Variants in ZBTB10 observed in about 807,000 individuals in gnomAD.
The protein encoded by ZBTB10 is zinc finger and BTB domain-containing protein 10.
Under a neutral mutation model 76.4 loss-of-function variants are expected in ZBTB10, and 32 were observed. The observed-to-expected ratio is 0.42, with a 90% CI of 0.32 to 0.56. ZBTB10 has a LOEUF of 0.56. Among genes scored for constraint, ZBTB10 ranks in the 20% least tolerant of loss-of-function variants. The pLI is 0.14. For synonymous variants in ZBTB10, 523 were observed against 432.9 expected (o/e 1.21, Z -2.58); for missense variants, 1,057 against 1,098.5 (o/e 0.96, Z 0.53).
intron 1 of ZBTB10, among the ~76,000 whole-genome samples, chr8:80,495,633 T>A (rs771636068): frequency 4.6e-5 from 7 of 152,178 alleles, no homozygotes; most frequent in Non-Finnish European, 8.8e-5. Context: ...ACTGAATCAT[T>A]TTGCTTCCTA....
At chr8:80,497,561 A>G (rs541836254) in intron 1 of ZBTB10, among the ~76,000 whole-genome samples, 15 of 152,212 alleles carry the variant, frequency 9.9e-5, no homozygotes, top group Admixed American at 1.3e-4. Flanking sequence ...AGGATCAGTC[A>G]AAAATGAGGA....
intron 3 of ZBTB10, among the ~76,000 whole-genome samples, chr8:80,517,737 C>T (rs1217015327): frequency 6.6e-6 from 1 of 151,938 alleles, no homozygotes; most frequent in Non-Finnish European, 1.5e-5. Context: ...GTGATAAAAT[C>T]TTAAGTGATA....
intron 2 of ZBTB10, among the ~76,000 whole-genome samples, chr8:80,510,310 C>G (rs188576125): frequency 6.6e-6 from 1 of 152,156 alleles, no homozygotes; most frequent in Non-Finnish European, 1.5e-5. Flanking sequence ...TGCTTATGTG[C>G]CAGGCCCTGA....
chr8:80,495,293 C>CAT (rs1300862324), intron 1 of ZBTB10, among the ~76,000 whole-genome samples: 1 of 152,076 alleles, frequency 6.6e-6, no homozygotes, highest in African/African-American at 2.4e-5. Flanking sequence ...TGCCCAAGTG[C>CAT]ATATTTGCAT....
chr8:80,494,866 A>G (rs183249426), intron 1 of ZBTB10, among the ~76,000 whole-genome samples: 1 of 151,694 alleles, frequency 6.6e-6, no homozygotes, highest in African/African-American at 2.4e-5. Context: ...TTGAGGGTAC[A>G]ATAAGCCATG....
intron 3 of ZBTB10, 126 bp downstream of exon 3, chr8:80,514,134 G>A (rs1816268857): frequency 3.9e-6 from 3 of 776,724 alleles, no homozygotes; most frequent in Middle Eastern, 3.6e-4. Context: ...TCAATCTATG[G>A]TAGCTATGTT....
At chr8:80,491,541 T>G (rs1815630957) in intron 1 of ZBTB10, among the ~76,000 whole-genome samples, 1 of 152,226 alleles carries the variant, frequency 6.6e-6, no homozygotes, top group South Asian at 2.1e-4. Flanking sequence ...GGACCTTGGT[T>G]ATTGTGGACT....
chr8:80,499,534 ATAG>A lies in ZBTB10; in HGVS notation c.1017_1019del (p.Ser339del). Reference sequence around the variant, plus strand: ...TCAGAGGAGGGGTACTGTGACTTTAATAGTAGGCCAAATGAGAACTCTTATTGC... The same window carrying A: ...TCAGAGGAGGGGTACTGTGACTTTAATAGGCCAAATGAGAACTCTTATTGC... On this transcript the variant is annotated inframe_deletion, in exon 2 of 6. Transcript: ENST00000455036. 6.2e-7 allele frequency: 1 copy of A among 1,613,326 alleles called. No homozygotes were observed. The highest frequency in any genetic ancestry group is 8.5e-7 in the Non-Finnish European group (1 of 1,179,602).
In ZBTB10 at chr8:80,499,635, G is replaced by C; in HGVS notation, c.1114G>C (p.Gly372Arg). 1 of 1,613,854 alleles carries C rather than the reference G, an allele frequency of 6.2e-7. No individual in the cohort carries two copies. Among genetic ancestry groups the C allele is most frequent in the Non-Finnish European group, 8.5e-7 (1 of 1,179,844 alleles). ...ILCDVSIVVS[G>R]KIFKAHKNIL... ...TTGTGATGTCAGCATTGTGGTAAGC[G>C]GAAAAATCTTCAAAGCTCATAAGAA... Residue 372 changes from glycine to arginine, a missense_variant, in exon 2 of 6, where the codon GGA (glycine) becomes CGA (arginine). This residue lies in a region of ZBTB10 where 86 missense variants were observed against 145.7 expected (regional missense o/e 0.59). Transcript: ENST00000455036.
intron 1 of ZBTB10, among the ~76,000 whole-genome samples, chr8:80,488,033 C>G (rs1382332843): frequency 8.7e-6 from 1 of 114,900 alleles, no homozygotes; most frequent in Admixed American, 7.5e-5. Flanking sequence ...GCTGGATTTT[C>G]TTTTTTATGA....
chr8:80,493,205 G>GCGCGCGCGCGCGCGCA (rs1554551251), intron 1 of ZBTB10, among the ~76,000 whole-genome samples: 1 of 98,372 alleles, frequency 1.0e-5, no homozygotes, highest in African/African-American at 3.6e-5. Flanking sequence ...GCGCGCGCGC[G>GCGCGCGCGCGCGCGCA]CGCACACACA....
chr8:80,485,816 A>G, upstream of ZBTB10: 10 of 1,535,740 alleles, frequency 6.5e-6, no homozygotes, highest in Non-Finnish European at 8.7e-6. Context: ...CCCACCGCAC[A>G]GTTATTTGCA....
chr8:80,500,350 A>T lies in ZBTB10; in HGVS notation c.1829A>T (p.Glu610Val). The change falls in exon 2 of 6, where the codon GAA (glutamate) becomes GTA (valine). Residue 610 changes from glutamate to valine, a missense_variant. Glu to Val is a moderately radical substitution (Grantham distance 121). Around this residue, in one of 5 missense-constraint regions of ZBTB10, gnomAD observed 306 missense variants for 297.5 expected, o/e 1.03. Transcript: ENST00000455036. Reference protein sequence around the residue: ...SVMQPPVAYPEENTLLIKEEP... With the variant: ...SVMQPPVAYPVENTLLIKEEP... The stretch of plus-strand genomic sequence containing the variant: ...ATGCAGCCACCTGTTGCCTATCCAG[A>T]AGAAAATACACTACTCATCAAGGAA... The T allele has an allele frequency of 6.3e-7, 1 of 1,581,668 alleles. No homozygotes were observed. The highest frequency in any genetic ancestry group is 1.7e-4 in the Middle Eastern group (1 of 5,990).
At chr8:80,488,545 G>A (rs1021643232) in intron 1 of ZBTB10, among the ~76,000 whole-genome samples, 3 of 152,208 alleles carry the variant, frequency 2.0e-5, no homozygotes, top group African/African-American at 4.8e-5. Context: ...CATTAGAAAT[G>A]TTTAATGTGT....
chr8:80,487,428 C>G lies in ZBTB10; in HGVS notation c.618C>G (p.Ser206Arg). 6.5e-7 allele frequency: 1 copy of G among 1,543,816 alleles called. No individual in the cohort carries two copies. The highest frequency in any genetic ancestry group is 2.0e-5 in the Admixed American group (1 of 50,658). Residue 206 changes from serine to arginine, a missense_variant, in exon 1 of 6, where the codon AGC becomes AGG. Physicochemically the swap from Ser to Arg is moderately radical, Grantham distance 110. Coordinates refer to ENST00000455036, the MANE Select transcript of ZBTB10 (RefSeq NM_001105539.3). ...GSGAEGGSCS[S>R]SRRSGGDGGD... ...GGGCGGAAGGCGGCAGCTGCAGCAGCAGCAGGCGGTCGGGCGGCGATGGCG... is the reference window on the plus strand; with the variant it reads ...GGGCGGAAGGCGGCAGCTGCAGCAGGAGCAGGCGGTCGGGCGGCGATGGCG...
chr8:80,518,064 T>A (rs1257296719), intron 3 of ZBTB10, among the ~76,000 whole-genome samples: 1 of 151,746 alleles, frequency 6.6e-6, no homozygotes, highest in Non-Finnish European at 1.5e-5. Flanking sequence ...ATGGAGTTTC[T>A]CCATGTTGCC....
chr8:80,485,951 C>G (rs896448241), upstream of ZBTB10: 27 of 1,466,560 alleles, frequency 1.8e-5, no homozygotes, highest in Non-Finnish European at 2.3e-5. Flanking sequence ...CCGCGTAGCC[C>G]GGCCCCGGCC....
upstream of ZBTB10, chr8:80,485,951 C>A: frequency 6.8e-7 from 1 of 1,466,672 alleles, no homozygotes; most frequent in Non-Finnish European, 9.2e-7. Context: ...CCGCGTAGCC[C>A]GGCCCCGGCC....
At chr8:80,493,179 G>A (rs1815674747) in intron 1 of ZBTB10, among the ~76,000 whole-genome samples, 1 of 148,664 alleles carries the variant, frequency 6.7e-6, no homozygotes, top group Non-Finnish European at 1.5e-5. Context: ...CGACAAGCAA[G>A]ACTGTGCCTC....
Sources: allele counts gnomAD v4.1 joint callset (sites outside exome capture counted in the v4.1 genomes callset), GRCh38; gene constraint gnomAD v4.1.1; regional missense constraint gnomAD v4.1.1; transcripts MANE v1.5; gene names NCBI Gene and HGNC (gene_info 2026-07-23, HGNC 2026-07-21).